CREB5: variants seen among roughly 807,000 people sequenced by gnomAD.
CREB5 encodes cAMP responsive element binding protein 5.
CREB5 carries 19 observed loss-of-function variants against 57.1 expected under a neutral mutation model. The observed-to-expected ratio is 0.33, with a 90% CI of 0.23 to 0.49. The LOEUF is 0.49. CREB5 is among the 20% of genes least tolerant of loss of function. CREB5 has a pLI of 0.99. For synonymous variants in CREB5, 238 were observed against 238.3 expected (o/e 1.00, Z 0.01); for missense variants, 579 against 671.6 (o/e 0.86, Z 1.52).
Position 28,649,014 on chromosome 7 carries a change from C to T in CREB5, c.465-69739C>T, listed in dbSNP as rs150764513. ...CGAGCAACATTAGGCAGTTACACCC[C>T]ACCAGAGAGGAAGGGACTGGTTTTC... On this transcript the variant is annotated intron_variant, in intron 5 of 10. Transcript: ENST00000357727. Among the ~76,000 whole-genome samples the T allele has an allele frequency of 8.0e-3, 1,219 of 152,286 alleles. 18 individuals carry two copies. Among genetic ancestry groups the T allele is most frequent in the African/African-American group, 0.027 (1,106 of 41,570 alleles).
chr7:28,666,502 G>A (rs565708034), intron 5 of CREB5, among the ~76,000 whole-genome samples: 8 of 152,010 alleles, frequency 5.3e-5, no homozygotes, highest in Non-Finnish European at 1.0e-4. Flanking sequence ...TGCAGGTGCG[G>A]CTTTTTTGAG....
intron 4 of CREB5, among the ~76,000 whole-genome samples, chr7:28,535,929 G>GA (rs938948474): frequency 1.2e-4 from 18 of 152,066 alleles, no homozygotes; most frequent in Non-Finnish European, 1.5e-4. Context: ...GACGGAAAAT[G>GA]AAAAAAAGAG....
chr7:28,707,670 A>C (rs1029684797), intron 5 of CREB5, among the ~76,000 whole-genome samples: 1 of 152,212 alleles, frequency 6.6e-6, no homozygotes, highest in Admixed American at 6.5e-5. Context: ...CTATTTTTTA[A>C]GAGCCCAAGA....
At chr7:28,606,246 T>G (rs1019919789) in intron 5 of CREB5, among the ~76,000 whole-genome samples, 2 of 152,212 alleles carry the variant, frequency 1.3e-5, no homozygotes, top group East Asian at 3.8e-4. Context: ...TTTTCCTACT[T>G]AACTAGAGTT....
At chr7:28,579,797 A>G (rs1796050936) in intron 5 of CREB5, among the ~76,000 whole-genome samples, 1 of 152,214 alleles carries the variant, frequency 6.6e-6, no homozygotes, top group Non-Finnish European at 1.5e-5. Flanking sequence ...CTGGAAGAGC[A>G]AATACCCATC....
In CREB5 at chr7:28,367,787, G is replaced by A. The variant is rs1489219629; in HGVS notation, c.-25+68346G>A. ...CCAGCCACTGTACTCCAGCCTGGGT[G>A]ACAGAGCAAGACTCCATTTCAAAAC... On this transcript the variant is annotated intron_variant, in intron 1 of 9. Coordinates refer to the CREB5 transcript ENST00000396299. Among the ~76,000 whole-genome samples the A allele has an allele frequency of 3.3e-5, 5 of 152,142 alleles. No homozygotes were observed. The East Asian group carries it at 9.7e-4, about 29-fold the overall frequency.
intron 5 of CREB5, among the ~76,000 whole-genome samples, chr7:28,687,522 G>A (rs1158399020): frequency 6.7e-6 from 1 of 148,196 alleles, no homozygotes; most frequent in African/African-American, 2.5e-5. Flanking sequence ...TGAGTTGGGT[G>A]CTTTCTGACA....
chr7:28,684,211 A>G (rs1474013111), intron 5 of CREB5, among the ~76,000 whole-genome samples: 2 of 152,238 alleles, frequency 1.3e-5, no homozygotes, highest in African/African-American at 4.8e-5. Context: ...AGTCAGACGT[A>G]AATGAGTTAT....
In CREB5 at chr7:28,825,660, G is replaced by T. The variant is rs1218184176; in HGVS notation, c.*6381G>T. On this transcript the variant is annotated 3_prime_UTR_variant, in exon 11 of 11. Coordinates refer to ENST00000357727, the MANE Select transcript of CREB5 (RefSeq NM_182898.4). ...TCCTTATTGGAAGGAGAAAAAAAGG[G>T]GTACATACATGTAAATACTTGCTGC... 3 of 152,456 alleles carry T rather than the reference G, an allele frequency of 2.0e-5. No homozygotes were observed. Among genetic ancestry groups the T allele is most frequent in the Non-Finnish European group, 4.4e-5 (3 of 68,006 alleles). 9.4% of individuals were successfully genotyped at this position (152,456 alleles called of 1,614,324 possible).
chr7:28,753,485 T>C (rs1431475323), intron 7 of CREB5, among the ~76,000 whole-genome samples: 1 of 152,234 alleles, frequency 6.6e-6, no homozygotes, highest in Non-Finnish European at 1.5e-5. Context: ...TTATGCTTTT[T>C]AGTTTTCCAA....
intron 1 of CREB5, among the ~76,000 whole-genome samples, chr7:28,351,909 C>A (rs760548154): frequency 1.3e-5 from 2 of 152,032 alleles, no homozygotes; most frequent in Non-Finnish European, 2.9e-5. Context: ...AATTAACATC[C>A]CCCAAATAAA....
Position 28,694,393 on chromosome 7 carries a change from G to A in CREB5, c.465-24360G>A, listed in dbSNP as rs530780636. Among the ~76,000 whole-genome samples the A allele has an allele frequency of 3.3e-5, 5 of 152,158 alleles. No individual in the cohort carries two copies. The East Asian group carries it at 9.7e-4, about 29-fold the overall frequency. ...GATTATTTTTCTGAGTTCAGCTCTTGCCCTAGTTCAGTACATGGCTGCTTT... is the reference window on the plus strand; with the variant it reads ...GATTATTTTTCTGAGTTCAGCTCTTACCCTAGTTCAGTACATGGCTGCTTT... On this transcript the variant is annotated intron_variant, in intron 5 of 10. Transcript: ENST00000357727.
At chr7:28,619,169 G>T (rs919374943) in intron 5 of CREB5, among the ~76,000 whole-genome samples, 14 of 152,186 alleles carry the variant, frequency 9.2e-5, no homozygotes, top group Non-Finnish European at 1.5e-4. Context: ...CCATTTTGCT[G>T]CTGAAGAAAG....
intron 4 of CREB5, among the ~76,000 whole-genome samples, chr7:28,569,024 A>G (rs531047119): frequency 7.2e-5 from 11 of 152,028 alleles, no homozygotes; most frequent in Middle Eastern, 3.4e-3. Flanking sequence ...TCTTCAACCC[A>G]TTGTCCAATA....
intron 1 of CREB5, among the ~76,000 whole-genome samples, chr7:28,400,398 A>G (rs1272973647): frequency 6.6e-6 from 1 of 152,218 alleles, no homozygotes; most frequent in Non-Finnish European, 1.5e-5. Context: ...CACAAATAAT[A>G]GTGTTCTTTC....
intron 1 of CREB5, among the ~76,000 whole-genome samples, chr7:28,317,383 G>C (rs558918862): frequency 3.4e-4 from 52 of 152,292 alleles, no homozygotes; most frequent in Non-Finnish European, 5.0e-4. Flanking sequence ...CATTCCACCT[G>C]GGGTATCCCA....
rs775713366 is a variant in CREB5 at position 28,412,871 on chromosome 7, G to A, written c.-44G>A. 6.9e-7 allele frequency: 1 copy of A among 1,456,508 alleles called. No homozygotes were observed. Among genetic ancestry groups the A allele is most frequent in the Non-Finnish European group, 9.1e-7 (1 of 1,100,784 alleles). 90.2% of individuals were successfully genotyped at this position (1,456,508 alleles called of 1,614,324 possible). A position where few individuals can be genotyped will look rare whatever the true frequency, so the allele number is the denominator to read the frequency against. ...AGAAAGGAAGAAAAAACTTGATTTG[G>A]TGACTGCAGGAAGCAACACGTTGCT... On this transcript the variant is annotated 5_prime_UTR_variant, in exon 1 of 11. The change creates a new upstream start codon in the 5' untranslated region. Coordinates refer to ENST00000357727, the MANE Select transcript of CREB5 (RefSeq NM_182898.4).
At chr7:28,701,388 T>A (rs961830076) in intron 5 of CREB5, among the ~76,000 whole-genome samples, 3 of 152,216 alleles carry the variant, frequency 2.0e-5, no homozygotes, top group African/African-American at 7.2e-5. Flanking sequence ...ATTCCATCAA[T>A]GGCAGATAAA....
At chr7:28,385,275 G>A (rs1787064888) in intron 1 of CREB5, among the ~76,000 whole-genome samples, 2 of 152,248 alleles carry the variant, frequency 1.3e-5, no homozygotes, top group Admixed American at 1.3e-4. Flanking sequence ...ACAAAAAAAA[G>A]AATCTTGCTC....
Sources: gnomAD v4.1 joint callset for allele counts (sites outside exome capture counted in the v4.1 genomes callset) on GRCh38, gnomAD v4.1.1 for gene constraint, MANE v1.5 for transcripts, NCBI Gene and HGNC (gene_info 2026-07-23, HGNC 2026-07-21) for gene names.